CES5A: variants seen among roughly 807,000 people sequenced by gnomAD.
CES5A encodes the protein carboxylesterase 5.
Under a neutral mutation model 62.9 loss-of-function variants are expected in CES5A, and 67 were observed. That is an observed-to-expected ratio of 1.07 (90% CI 0.88 to 1.31). The LOEUF is 1.31. CES5A is among the 50% of genes most tolerant of loss of function. The pLI is 0.00. For synonymous variants in CES5A, 296 were observed against 280.8 expected (o/e 1.05, Z -0.54); for missense variants, 748 against 708.5 (o/e 1.06, Z -0.63).
chr16:55,953,328 C>T (rs186074132), intron 1 of CES5A, among the ~76,000 whole-genome samples: 10 of 151,950 alleles, frequency 6.6e-5, no homozygotes, highest in South Asian at 2.1e-4. Context: ...TGAAAGCTTA[C>T]GTAAAGACAA....
At chr16:55,876,843 A>G (rs570050212), upstream of CES5A, among the ~76,000 whole-genome samples, 2 of 152,300 alleles carry the variant, frequency 1.3e-5, no homozygotes, top group African/African-American at 4.8e-5. Flanking sequence ...GGAGGTGACT[A>G]CCAACCTGGC....
At position 55,912,606 on chromosome 16, in the gene CES5A, G is replaced by A. The variant is rs2034106143; in HGVS notation, c.-256+12717C>T. On this transcript the variant is annotated intron_variant, in intron 1 of 12. Transcript: ENST00000518005. Reference sequence around the variant, plus strand: ...GGAGAAGGAGGAAGACAAGGAGGAGGAGGAAGAGGAGGAAGAGAAGGAGCA... The same window carrying A: ...GGAGAAGGAGGAAGACAAGGAGGAGAAGGAAGAGGAGGAAGAGAAGGAGCA... Among the ~76,000 whole-genome samples, 4 of 152,054 alleles carry A rather than the reference G, an allele frequency of 2.6e-5. No homozygotes were observed. The South Asian group carries it at 8.3e-4, about 32-fold the overall frequency.
At chr16:55,898,544 C>A (rs1017081372) in intron 1 of CES5A, among the ~76,000 whole-genome samples, 3 of 152,118 alleles carry the variant, frequency 2.0e-5, no homozygotes, top group African/African-American at 7.2e-5. Flanking sequence ...ACATCATAGA[C>A]AATCAATAAA....
intron 1 of CES5A, among the ~76,000 whole-genome samples, chr16:55,893,397 C>T (rs1327804084): frequency 2.6e-5 from 4 of 151,868 alleles, no homozygotes; most frequent in Non-Finnish European, 5.9e-5. Flanking sequence ...GAATCAGTTC[C>T]CATAAATGAC....
intron 9 of CES5A, among the ~76,000 whole-genome samples, chr16:55,854,148 C>G (rs1336981479): frequency 6.6e-6 from 1 of 152,116 alleles, no homozygotes; most frequent in East Asian, 1.9e-4. Flanking sequence ...CCTCATAGGA[C>G]AGTCAGCGTG....
intron 1 of CES5A, among the ~76,000 whole-genome samples, chr16:55,916,751 A>G (rs781510876): frequency 1.3e-5 from 2 of 152,288 alleles, no homozygotes; most frequent in East Asian, 3.9e-4. Context: ...GGGAAAGTCC[A>G]TATTTCTTTG....
chr16:55,866,209 C>G (rs1335516245), intron 4 of CES5A, 93 bp from the exon 5 acceptor site: 3 of 1,294,096 alleles, frequency 2.3e-6, no homozygotes, highest in Middle Eastern at 2.7e-4. Context: ...GGGCAGGGGT[C>G]AGTGGGGAGG....
chr16:55,953,718 T>G (rs1268049063), intron 1 of CES5A, among the ~76,000 whole-genome samples: 1 of 152,188 alleles, frequency 6.6e-6, no homozygotes, highest in East Asian at 1.9e-4. Flanking sequence ...CTTATTATTT[T>G]GCTTCAAATG....
chr16:55,877,400 G>A (rs1391788842), upstream of CES5A, among the ~76,000 whole-genome samples: 3 of 151,638 alleles, frequency 2.0e-5, no homozygotes, highest in African/African-American at 7.3e-5. Context: ...AGCATTACAT[G>A]TATACATATG....
At chr16:55,863,633 C>T (rs2033398807) in intron 5 of CES5A, among the ~76,000 whole-genome samples, 181 bp from the exon 6 acceptor site, 1 of 152,196 alleles carries the variant, frequency 6.6e-6, no homozygotes, top group African/African-American at 2.4e-5. Flanking sequence ...GTTACTCAAC[C>T]TCTCTGAGCC....
chr16:55,870,945 T>C (rs2033571327), intron 3 of CES5A, among the ~76,000 whole-genome samples: 1 of 152,218 alleles, frequency 6.6e-6, no homozygotes, highest in African/African-American at 2.4e-5. Context: ...GTGTACAACA[T>C]GGAGCAAGTC....
At chr16:55,896,079 T>C (rs1323565835) in intron 1 of CES5A, among the ~76,000 whole-genome samples, 1 of 152,200 alleles carries the variant, frequency 6.6e-6, no homozygotes, top group African/African-American at 2.4e-5. Context: ...GAGGTTTAAT[T>C]GACTCACAGC....
At chr16:55,947,958 G>T (rs2034514359) in intron 2 of CES5A, among the ~76,000 whole-genome samples, 1 of 152,166 alleles carries the variant, frequency 6.6e-6, no homozygotes, top group Non-Finnish European at 1.5e-5. Context: ...CACACGAATG[G>T]ACTTTGGTTT....
intron 2 of CES5A, among the ~76,000 whole-genome samples, chr16:55,872,054 C>G (rs2033600957): frequency 6.6e-6 from 1 of 152,208 alleles, no homozygotes; most frequent in Admixed American, 6.5e-5. Flanking sequence ...TCCTATGCCA[C>G]CACCATAATA....
chr16:55,885,693 G>T (rs1372141054), intron 1 of CES5A, among the ~76,000 whole-genome samples: 1 of 152,184 alleles, frequency 6.6e-6, no homozygotes, highest in Non-Finnish European at 1.5e-5. Context: ...GGAGCAGCCT[G>T]TGGGAAGCAT....
chr16:55,925,044 G>T (rs560498657), intron 1 of CES5A, among the ~76,000 whole-genome samples: 2 of 152,114 alleles, frequency 1.3e-5, no homozygotes, highest in South Asian at 4.2e-4. Context: ...AAAAGCTTCT[G>T]CACAGCAAAA....
intron 2 of CES5A, among the ~76,000 whole-genome samples, chr16:55,945,946 C>T (rs1450528522): frequency 6.6e-6 from 1 of 152,206 alleles, no homozygotes; most frequent in Non-Finnish European, 1.5e-5. Flanking sequence ...TTTGACCCTC[C>T]TGAGCAATTC....
chr16:55,948,219 A>C (rs569203748), intron 2 of CES5A, among the ~76,000 whole-genome samples: 1 of 152,280 alleles, frequency 6.6e-6, no homozygotes, highest in South Asian at 2.1e-4. Flanking sequence ...AAGGGCTTCA[A>C]TATTTAACAG....
At chr16:55,886,429 A>G (rs1336924034) in intron 1 of CES5A, among the ~76,000 whole-genome samples, 1 of 152,144 alleles carries the variant, frequency 6.6e-6, no homozygotes, top group Non-Finnish European at 1.5e-5. Context: ...TTAATGCCCA[A>G]TAAGAAACTC....
Sources: gnomAD v4.1 joint callset for allele counts (sites outside exome capture counted in the v4.1 genomes callset) on GRCh38, gnomAD v4.1.1 for gene constraint, MANE v1.5 for transcripts, NCBI Gene and HGNC (gene_info 2026-07-23, HGNC 2026-07-21) for gene names.